Variants in CPEB3 observed in about 807,000 individuals in gnomAD.
The protein encoded by CPEB3 is cytoplasmic polyadenylation element binding protein 3, also known as cytoplasmic polyadenylation element-binding protein 3.
A neutral mutation model predicts 67.2 loss-of-function variants in CPEB3; 20 were observed. The observed-to-expected ratio is 0.30, with a 90% CI of 0.21 to 0.43. The LOEUF is 0.43. Ranked by LOEUF, CPEB3 falls within the 20% of genes least tolerant of loss-of-function variation. CPEB3 has a pLI of 1.00. For missense variants in CPEB3, 746 were observed against 968.6 expected, an observed-to-expected ratio of 0.77 and a Z score of 3.05; for synonymous variants, 376 against 393.1, an observed-to-expected ratio of 0.96 and a Z score of 0.51.
chr10:92,282,134 G>A (rs1842321141), intron 1 of CPEB3, among the ~76,000 whole-genome samples: 1 of 152,102 alleles, frequency 6.6e-6, no homozygotes, highest in African/African-American at 2.4e-5. Flanking sequence ...CCATTGCATG[G>A]CCCAGGGATA....
chr10:92,095,596 A>ATT (rs1307377625), intron 7 of CPEB3, among the ~76,000 whole-genome samples: 1 of 82,520 alleles, frequency 1.2e-5, no homozygotes, highest in African/African-American at 6.5e-5. Context: ...ATATATATAT[A>ATT]TATATTTTTT....
intron 7 of CPEB3, among the ~76,000 whole-genome samples, chr10:92,106,807 T>A (rs1844480422): frequency 1.8e-5 from 1 of 55,750 alleles, no homozygotes; most frequent in African/African-American, 1.1e-4. Flanking sequence ...AGAGCAAGAC[T>A]CTGTCTCAAA....
In CPEB3 at chr10:92,180,980, T is replaced by A; in HGVS notation, c.1205A>T (p.Asn402Ile). 6.6e-7 allele frequency: 1 copy of A among 1,508,412 alleles called. No homozygotes were observed. The allele number at this position is 1,508,412 out of a possible 1,614,324, so 93.4% of individuals were successfully genotyped here. A position where few individuals can be genotyped will look rare whatever the true frequency, so the allele number is the denominator to read the frequency against. The change falls in exon 4 of 10, where the codon AAT becomes ATT. Residue 402 changes from asparagine to isoleucine, a missense_variant. By Grantham distance (149) the Asn-to-Ile change is moderately radical (BLOSUM62 -3). Coordinates refer to ENST00000265997, the MANE Select transcript of CPEB3 (RefSeq NM_014912.5). ...GINFHHPGTD[N>I]IMALNNAFLD... ...AGACTTACTGTTAAGTGCCATAATA[T>A]TATCTGTTCCTGGATGATGGAAATT...
intron 9 of CPEB3, among the ~76,000 whole-genome samples, chr10:92,071,035 C>G (rs1413854441): frequency 6.6e-6 from 1 of 150,902 alleles, no homozygotes; most frequent in Non-Finnish European, 1.5e-5. Context: ...CGTATATTGA[C>G]AGAGTGCTTT....
intron 1 of CPEB3, among the ~76,000 whole-genome samples, chr10:92,279,498 T>C (rs1842160638): frequency 6.6e-6 from 1 of 152,174 alleles, no homozygotes; most frequent in Admixed American, 6.6e-5. Flanking sequence ...TACTCCAGCA[T>C]ATGTCTATTT....
chr10:92,203,133 G>A (rs1022818201), intron 2 of CPEB3, among the ~76,000 whole-genome samples: 2 of 150,986 alleles, frequency 1.3e-5, no homozygotes, highest in Admixed American at 6.6e-5. Context: ...AGTAGAGACA[G>A]GGTTTCACCG....
At chr10:92,276,271 T>TC (rs1841980533) in intron 1 of CPEB3, among the ~76,000 whole-genome samples, 1 of 145,332 alleles carries the variant, frequency 6.9e-6, no homozygotes, top group Non-Finnish European at 1.5e-5. Flanking sequence ...TGCTTTTTTT[T>TC]CTTTTCTTTT....
intron 1 of CPEB3, among the ~76,000 whole-genome samples, chr10:92,269,511 C>G (rs1032664541): frequency 3.9e-5 from 6 of 152,026 alleles, no homozygotes; most frequent in African/African-American, 1.4e-4. Flanking sequence ...AAAAGTGACT[C>G]AAGTGTCATT....
chr10:92,215,211 A>G (rs992918263), intron 2 of CPEB3, among the ~76,000 whole-genome samples: 2 of 146,342 alleles, frequency 1.4e-5, no homozygotes, highest in Non-Finnish European at 3.0e-5. Context: ...AGAGTGCAGT[A>G]GTGCAATCTC....
At chr10:92,172,404 A>G (rs1848044946) in intron 4 of CPEB3, among the ~76,000 whole-genome samples, 1 of 152,256 alleles carries the variant, frequency 6.6e-6, no homozygotes, top group Admixed American at 6.5e-5. Context: ...GAAGGAGACT[A>G]TGTTCTGAAA....
intron 1 of CPEB3, among the ~76,000 whole-genome samples, chr10:92,271,792 T>C (rs1487738984): frequency 6.6e-6 from 1 of 152,198 alleles, no homozygotes; most frequent in South Asian, 2.1e-4. Flanking sequence ...ACACTTTCTA[T>C]GTAAATATCC....
intron 6 of CPEB3, among the ~76,000 whole-genome samples, chr10:92,128,630 A>C (rs11186838): frequency 0.28 from 41,882 of 152,164 alleles, 6,471 homozygotes; most frequent in Admixed American, 0.36. Context: ...AGCATCTGTA[A>C]GGAACTTCAA....
At chr10:92,066,591 TTTA>T (rs1842556043) in intron 9 of CPEB3, among the ~76,000 whole-genome samples, 1 of 152,058 alleles carries the variant, frequency 6.6e-6, no homozygotes, top group African/African-American at 2.4e-5. Context: ...GCTAAAAGGT[TTTA>T]AACATAATGT....
intron 6 of CPEB3, among the ~76,000 whole-genome samples, chr10:92,120,098 C>CAAAAAAAAAAAAAAAAAAAAACAAGCA (rs34785763): frequency 5.7e-4 from 26 of 45,242 alleles, no homozygotes; most frequent in Admixed American, 2.5e-3. Context: ...ACTAAAAATA[C>CAAAAAAAAAAAAAAAAAAAAACAAGCA]AAAAAAAAAA....
At chr10:92,274,737 A>G (rs1841898245) in intron 1 of CPEB3, among the ~76,000 whole-genome samples, 1 of 152,138 alleles carries the variant, frequency 6.6e-6, no homozygotes, top group African/African-American at 2.4e-5. Flanking sequence ...GCTACTCAGG[A>G]GGCTGAGGCA....
chr10:92,080,614 G>T (rs187732775), intron 9 of CPEB3, among the ~76,000 whole-genome samples: 1 of 149,154 alleles, frequency 6.7e-6, no homozygotes, highest in Non-Finnish European at 1.5e-5. Context: ...TTTTTTTTTA[G>T]ACGGAGCCTC....
At chr10:92,138,530 G>T (rs1268370600) in intron 6 of CPEB3, among the ~76,000 whole-genome samples, 1 of 151,230 alleles carries the variant, frequency 6.6e-6, no homozygotes, top group Non-Finnish European at 1.5e-5. Context: ...AAAAAGGGAG[G>T]GTGAAAGATC....
intron 1 of CPEB3, among the ~76,000 whole-genome samples, chr10:92,276,407 T>A (rs2135033542): frequency 6.6e-6 from 1 of 151,722 alleles, no homozygotes. Flanking sequence ...GCCTCCTGAG[T>A]AGCTGGGATT....
At chr10:92,091,796 G>C (rs768405541) in intron 8 of CPEB3, 34 bp downstream of exon 8, 1 of 1,312,360 alleles carries the variant, frequency 7.6e-7, no homozygotes, top group South Asian at 1.2e-5. Context: ...GTTGTTGTTG[G>C]TTTTGTTGTT....
Sources: gnomAD v4.1 joint callset for allele counts (sites outside exome capture counted in the v4.1 genomes callset) on GRCh38, gnomAD v4.1.1 for gene constraint, MANE v1.5 for transcripts, NCBI Gene and HGNC (gene_info 2026-07-23, HGNC 2026-07-21) for gene names.